Variants in LOC400499 observed in about 807,000 individuals in gnomAD.
chr16:11,373,746 A>G, the LOC400499 span, among the ~76,000 whole-genome samples: 100,033 of 151,968 alleles, frequency 0.66, 33,780 homozygotes, highest in African/African-American at 0.76. Flanking sequence ...CAGCCTCCCA[A>G]GTAGCTGGGA....
the LOC400499 span, among the ~76,000 whole-genome samples, chr16:11,390,827 C>G: frequency 5.9e-5 from 9 of 152,196 alleles, no homozygotes; most frequent in Non-Finnish European, 1.2e-4. Flanking sequence ...CAAGCAGCAC[C>G]TGCCAGTGTG....
the LOC400499 span, chr16:11,383,948 G>C: frequency 8.1e-7 from 1 of 1,231,910 alleles, no homozygotes. Context: ...CAGGCGGGGA[G>C]CTGTCCCGGG....
At chr16:11,465,863 G>T in the LOC400499 span, among the ~76,000 whole-genome samples, 2 of 151,462 alleles carry the variant, frequency 1.3e-5, no homozygotes, top group Non-Finnish European at 2.9e-5. Context: ...AAAAGAGAGG[G>T]AATAGAGGGA....
At chr16:11,375,888 C>A in the LOC400499 span, among the ~76,000 whole-genome samples, 1 of 152,104 alleles carries the variant, frequency 6.6e-6, no homozygotes, top group Non-Finnish European at 1.5e-5. Flanking sequence ...CACCACCATG[C>A]CCAGCTAATT....
chr16:11,446,507 G>C, the LOC400499 span: 2 of 1,517,710 alleles, frequency 1.3e-6, no homozygotes, highest in Non-Finnish European at 8.8e-7. Context: ...ACTTGAACCA[G>C]GGCTGGCTGG....
chr16:11,501,500 G>A, the LOC400499 span, among the ~76,000 whole-genome samples: 1 of 152,142 alleles, frequency 6.6e-6, no homozygotes, highest in Non-Finnish European at 1.5e-5. Context: ...GGGACCACAA[G>A]TGTTCGCTAC....
At chr16:11,431,127 G>A in the LOC400499 span, 1 of 399,120 alleles carries the variant, frequency 2.5e-6, no homozygotes, top group Non-Finnish European at 4.4e-6. Context: ...GCCGGGTTTG[G>A]CTCTGGAAAG....
chr16:11,384,140 CCT>C, the LOC400499 span: 5 of 1,214,182 alleles, frequency 4.1e-6, no homozygotes, highest in East Asian at 1.6e-4. Context: ...AGGCCGCCTG[CCT>C]CTCCCGGGAC....
At chr16:11,504,375 G>C in the LOC400499 span, among the ~76,000 whole-genome samples, 1 of 152,076 alleles carries the variant, frequency 6.6e-6, no homozygotes, top group African/African-American at 2.4e-5. Context: ...GGCCAACATG[G>C]TGAAACTCTG....
the LOC400499 span, chr16:11,462,026 T>G: frequency 3.5e-6 from 4 of 1,142,348 alleles, no homozygotes; most frequent in African/African-American, 6.4e-5. Context: ...TAAGAGAAGC[T>G]GCAGTGATGA....
At chr16:11,523,391 T>A in the LOC400499 span, 129 of 398,582 alleles carry the variant, frequency 3.2e-4, 1 homozygote, top group African/African-American at 2.3e-3. Flanking sequence ...ACCAGAGGTG[T>A]GATCAGGCGT....
At chr16:11,449,825 T>C in the LOC400499 span, among the ~76,000 whole-genome samples, 10 of 152,234 alleles carry the variant, frequency 6.6e-5, no homozygotes, top group Non-Finnish European at 2.9e-5. Context: ...CCTTCACTCC[T>C]TCCCCACCAC....
chr16:11,392,460 C>T, the LOC400499 span: 1 of 399,060 alleles, frequency 2.5e-6, no homozygotes, highest in Non-Finnish European at 4.4e-6. Flanking sequence ...GCTGTCCGCC[C>T]ATGGGCACAT....
At chr16:11,383,956 G>A in the LOC400499 span, 40 of 1,231,884 alleles carry the variant, frequency 3.2e-5, 1 homozygote, top group East Asian at 4.4e-4. Context: ...GAGCTGTCCC[G>A]GGCAGGCCTG....
the LOC400499 span, chr16:11,446,540 C>T: frequency 1.0e-5 from 16 of 1,535,856 alleles, no homozygotes; most frequent in African/African-American, 1.9e-4. Context: ...TCTGGGGTCT[C>T]TGCTCTTACC....
At chr16:11,508,339 G>A in the LOC400499 span, among the ~76,000 whole-genome samples, 5 of 152,208 alleles carry the variant, frequency 3.3e-5, no homozygotes, top group East Asian at 1.9e-4. Context: ...CAGGAGTTTC[G>A]GAGGAGGCCT....
the LOC400499 span, chr16:11,459,969 T>C: frequency 6.6e-7 from 1 of 1,515,924 alleles, no homozygotes; most frequent in Non-Finnish European, 8.8e-7. Context: ...ATGCCTCTTG[T>C]TGCTGTTCTT....
At chr16:11,391,910 G>A in the LOC400499 span, 1 of 1,027,350 alleles carries the variant, frequency 9.7e-7, no homozygotes, top group Non-Finnish European at 1.3e-6. Flanking sequence ...AGGGCAGAGA[G>A]AGCCCCAGAC....
At chr16:11,488,606 T>C in the LOC400499 span, 20 of 393,814 alleles carry the variant, frequency 5.1e-5, no homozygotes, top group East Asian at 7.2e-4. Context: ...ATTTGACCCC[T>C]TGACACAACG....
Sources: gnomAD v4.1 joint callset for allele counts (sites outside exome capture counted in the v4.1 genomes callset) on GRCh38, gnomAD v4.1.1 for gene constraint, MANE v1.5 for transcripts.